The following PRORP variants were observed in gnomAD, a reference collection of about 807,000 sequenced individuals.
The protein encoded by PRORP is mitochondrial ribonuclease P catalytic subunit.
PRORP carries 51 observed loss-of-function variants against 59.4 expected under a neutral mutation model. The observed-to-expected ratio is 0.86, with a 90% CI of 0.69 to 1.08. The LOEUF (loss-of-function observed/expected upper bound fraction) is 1.08. PRORP is among the 50% of genes least tolerant of loss of function. The pLI is 0.00. For missense variants in PRORP, 646 were observed against 690.3 expected (o/e 0.94, Z 0.72); for synonymous variants, 231 against 245.6 (o/e 0.94, Z 0.55).
chr14:35,129,319 G>A (rs192967076), intron 4 of PRORP, among the ~76,000 whole-genome samples: 143 of 151,236 alleles, frequency 9.5e-4, no homozygotes, highest in African/African-American at 3.3e-3. Flanking sequence ...TACATTTAAT[G>A]TTATTATTGA....
rs530294201 is a variant in PRORP at position 35,230,140 on chromosome 14, C to T, written c.1276-36587C>T. On this transcript the variant is annotated intron_variant, in intron 5 of 7. Coordinates refer to ENST00000534898, the MANE Select transcript of PRORP (RefSeq NM_014672.4). ...CAATCTCTGCTCACTGCAACCTCTG[C>T]CTCCCAGGTTCAAGCAATTCTCCTG... 2.0e-5 allele frequency among the ~76,000 whole-genome samples: 3 copies of T among 150,630 alleles called. No homozygotes were observed. The South Asian group carries it at 6.3e-4, about 32-fold the overall frequency.
chr14:35,160,104 A>G (rs2048020024), intron 4 of PRORP, among the ~76,000 whole-genome samples: 1 of 152,238 alleles, frequency 6.6e-6, no homozygotes, highest in Admixed American at 6.5e-5. Context: ...TTCCAGTTGT[A>G]CGTTGCTCTT....
chr14:35,232,766 A>G (rs568356431), intron 5 of PRORP, among the ~76,000 whole-genome samples: 1 of 152,028 alleles, frequency 6.6e-6, no homozygotes, highest in East Asian at 1.9e-4. Flanking sequence ...TCCACCTCCC[A>G]GGTTCAAGTG....
chr14:35,171,520 A>G (rs1239870065), intron 4 of PRORP, among the ~76,000 whole-genome samples: 1 of 152,046 alleles, frequency 6.6e-6, no homozygotes, highest in Admixed American at 6.6e-5. Context: ...TGTCATTTGT[A>G]TCATTATTCC....
intron 5 of PRORP, among the ~76,000 whole-genome samples, chr14:35,213,702 A>T (rs1277500810): frequency 6.6e-6 from 1 of 152,206 alleles, no homozygotes; most frequent in Non-Finnish European, 1.5e-5. Flanking sequence ...AGAACAGCTG[A>T]TGGGTGGAGC....
chr14:35,158,236 C>T lies in PRORP; in HGVS notation c.1168-22434C>T, dbSNP rs554294008. The stretch of plus-strand genomic sequence containing the variant: ...GTAAGCCCTTATTTGTTATCAACTC[C>T]ATTATAAGTCACAACTGCCAGTTTT... On this transcript the variant is annotated intron_variant, in intron 4 of 7. Coordinates refer to ENST00000534898, the MANE Select transcript of PRORP (RefSeq NM_014672.4). 3.4e-3 allele frequency: 863 copies of T among 250,222 alleles called. 1 individual carries two copies. Among genetic ancestry groups the T allele is most frequent in the Non-Finnish European group, 5.0e-3 (614 of 123,214 alleles). 15.5% of individuals were successfully genotyped at this position (250,222 alleles called of 1,614,324 possible). A position where few individuals can be genotyped will look rare whatever the true frequency, so the allele number is the denominator to read the frequency against.
intron 6 of PRORP, among the ~76,000 whole-genome samples, chr14:35,269,214 A>G (rs909476301): frequency 3.5e-4 from 53 of 152,334 alleles, no homozygotes; most frequent in African/African-American, 1.2e-3. Context: ...TAATATGTGT[A>G]AATAACTCAT....
Position 35,156,814 on chromosome 14 carries a change from TGAAAA to T in PRORP, c.1168-23852_1168-23848del, listed in dbSNP as rs921180719. Reference sequence around the variant, plus strand: ...CCCCAGATACAATGTCAGTGGGAAATGAAAAGAACTTATTCGCAGAGTAGATGCTT... The same window carrying T: ...CCCCAGATACAATGTCAGTGGGAAATGAACTTATTCGCAGAGTAGATGCTT... On this transcript the variant is annotated intron_variant, in intron 4 of 7. Coordinates refer to ENST00000534898, the MANE Select transcript of PRORP (RefSeq NM_014672.4). 2.6e-5 allele frequency among the ~76,000 whole-genome samples: 4 copies of T among 152,192 alleles called. No individual in the cohort carries two copies. The East Asian group carries it at 5.8e-4, about 22-fold the overall frequency.
intron 4 of PRORP, among the ~76,000 whole-genome samples, chr14:35,176,138 CTA>C (rs929545043): frequency 4.6e-5 from 7 of 152,164 alleles, no homozygotes; most frequent in African/African-American, 1.7e-4. Flanking sequence ...GTTTTGGTTA[CTA>C]TAACCTTGTA....
At chr14:35,186,149 A>ATTTT (rs34848889) in intron 5 of PRORP, among the ~76,000 whole-genome samples, 4 of 131,404 alleles carry the variant, frequency 3.0e-5, no homozygotes, top group African/African-American at 5.8e-5. Context: ...AGTCCAGCTA[A>ATTTT]TTTTTTTTTT....
chr14:35,229,707 A>C (rs1174228664), intron 5 of PRORP, among the ~76,000 whole-genome samples: 2 of 152,182 alleles, frequency 1.3e-5, no homozygotes, highest in Non-Finnish European at 2.9e-5. Context: ...ATGTAAGTTT[A>C]GAAAGAGCTT....
In PRORP at chr14:35,123,516, A is replaced by G; in HGVS notation, c.271A>G (p.Lys91Glu). The G allele has an allele frequency of 6.2e-7, 1 of 1,614,184 alleles. No homozygotes were observed. The highest frequency in any genetic ancestry group is 8.5e-7 in the Non-Finnish European group (1 of 1,180,038). ...VPHFFLAGAA[K>E]ERSQMNSQTE... ...TCATTTTTTTTTAGCTGGAGCAGCTAAGGAGAGATCACAGATGAATTCTCA... is the reference window on the plus strand; with the variant it reads ...TCATTTTTTTTTAGCTGGAGCAGCTGAGGAGAGATCACAGATGAATTCTCA... The change falls in exon 2 of 8, where the codon AAG becomes GAG. Residue 91 changes from lysine (K) to glutamate (E), a missense_variant. Lys to Glu is a moderately conservative substitution (Grantham distance 56). Transcript: ENST00000534898.
intron 5 of PRORP, among the ~76,000 whole-genome samples, chr14:35,208,808 C>T (rs1444819297): frequency 6.6e-6 from 1 of 152,202 alleles, no homozygotes; most frequent in Non-Finnish European, 1.5e-5. Context: ...GAGTTCTAGA[C>T]CAGCCTGGCC....
intron 2 of PRORP, 97 bp downstream of exon 2, chr14:35,124,328 TG>T (rs1221725952): frequency 1.4e-4 from 105 of 769,476 alleles, no homozygotes; most frequent in Non-Finnish European, 2.0e-4. Context: ...AGTGCAGTGG[TG>T]TGTTCATAGC....
At chr14:35,130,537 A>T (rs2047214916) in intron 4 of PRORP, among the ~76,000 whole-genome samples, 1 of 149,698 alleles carries the variant, frequency 6.7e-6, no homozygotes, top group Non-Finnish European at 1.5e-5. Context: ...GTTGGAATGG[A>T]GTGGCACGAT....
intron 5 of PRORP, among the ~76,000 whole-genome samples, chr14:35,196,507 T>C (rs1259917771): frequency 6.6e-6 from 1 of 152,064 alleles, no homozygotes; most frequent in Non-Finnish European, 1.5e-5. Context: ...AGAAAATAAA[T>C]ATTTTCATCA....
intron 4 of PRORP, chr14:35,158,156 C>G (rs1043532111): frequency 1.1e-4 from 29 of 276,166 alleles, no homozygotes; most frequent in African/African-American, 6.5e-4. Flanking sequence ...CCGTCTTCTT[C>G]ATTTTAGCTA....
Position 35,126,747 on chromosome 14 carries a change from A to G in PRORP, c.999A>G (p.Lys333=). Residue 333 remains lysine, a synonymous_variant, in exon 3 of 8, where the codon AAA becomes AAG. Transcript: ENST00000534898. Reference sequence around the variant, plus strand: ...AATCTTTTCATAGTGTTCCTGGAAAACAATGGAAAGGACAATTCACCACAG... The same window carrying G: ...AATCTTTTCATAGTGTTCCTGGAAAGCAATGGAAAGGACAATTCACCACAG... ...IKTWFESVPG[K]QWKGQFTTVR... 1 of 1,610,708 alleles carries G rather than the reference A, an allele frequency of 6.2e-7. No individual in the cohort carries two copies. The highest frequency in any genetic ancestry group is 8.5e-7 in the Non-Finnish European group (1 of 1,177,986).
chr14:35,162,439 T>C (rs1040470510), intron 4 of PRORP, among the ~76,000 whole-genome samples: 2 of 152,100 alleles, frequency 1.3e-5, no homozygotes, highest in African/African-American at 4.8e-5. Context: ...TAATTTACAA[T>C]TTTCTTGGAG....
Sources: allele counts gnomAD v4.1 joint callset (sites outside exome capture counted in the v4.1 genomes callset), GRCh38; gene constraint gnomAD v4.1.1; transcripts MANE v1.5; gene names NCBI Gene and HGNC (gene_info 2026-07-23, HGNC 2026-07-21).